The following HESX1 variants were observed in gnomAD, a reference collection of about 807,000 sequenced individuals.
HESX1 encodes the protein HESX homeobox 1.
HESX1 carries 11 observed loss-of-function variants against 22.5 expected under a neutral mutation model. The ratio of observed to expected loss-of-function variants is 0.49; its 90% confidence interval spans 0.31 to 0.81. HESX1 has a LOEUF of 0.81. Among genes scored for constraint, HESX1 ranks in the 30% least tolerant of loss-of-function variants. The probability of loss-of-function intolerance (pLI) is 0.05; values close to 1 mark genes in which losing one functional copy is unlikely to be tolerated. For missense variants in HESX1, 201 were observed against 212.6 expected (o/e 0.95, Z 0.34); for synonymous variants, 74 against 76.5 (o/e 0.97, Z 0.17).
chr3:57,215,808 T>C (rs28536501), intron 1 of HESX1, among the ~76,000 whole-genome samples: 10,736 of 151,974 alleles, frequency 0.071, 1,267 homozygotes, highest in African/African-American at 0.24. Context: ...CACAGAAAAA[T>C]GTTAACACAA....
chr3:57,201,270 T>C (rs2107567495), upstream of HESX1, among the ~76,000 whole-genome samples: 1 of 152,316 alleles, frequency 6.6e-6, no homozygotes. Context: ...AACAGGCATA[T>C]GGATTTATAA....
chr3:57,218,439 C>A (rs1010063176), intron 1 of HESX1, among the ~76,000 whole-genome samples: 1 of 102,274 alleles, frequency 9.8e-6, no homozygotes, highest in South Asian at 3.5e-4. Context: ...TGATCTCATT[C>A]TTTTTTTTTT....
At chr3:57,215,766 C>G (rs1247808861) in intron 1 of HESX1, among the ~76,000 whole-genome samples, 1 of 151,302 alleles carries the variant, frequency 6.6e-6, no homozygotes, top group Admixed American at 6.6e-5. Context: ...GACTCCATCT[C>G]AAAAAACAAA....
upstream of HESX1, among the ~76,000 whole-genome samples, chr3:57,201,732 G>A (rs1559498051): frequency 6.6e-6 from 1 of 151,754 alleles, no homozygotes. Flanking sequence ...GAGTGCCTAA[G>A]AGGCACAAGG....
chr3:57,217,101 AC>A (rs2060586734), intron 1 of HESX1, among the ~76,000 whole-genome samples: 1 of 152,038 alleles, frequency 6.6e-6, no homozygotes, highest in African/African-American at 2.4e-5. Flanking sequence ...TGTTCCAGGG[AC>A]TTAGGATAAG....
intron 1 of HESX1, among the ~76,000 whole-genome samples, chr3:57,225,010 G>A (rs1001842347): frequency 6.6e-6 from 1 of 152,196 alleles, no homozygotes; most frequent in Non-Finnish European, 1.5e-5. Context: ...CGAGTCGCCA[G>A]TAACCCCTAA....
chr3:57,208,046 G>A (rs549146200), intron 1 of HESX1, among the ~76,000 whole-genome samples: 3 of 152,216 alleles, frequency 2.0e-5, no homozygotes, highest in African/African-American at 7.2e-5. Flanking sequence ...TATTCCCTCA[G>A]CCCATTTTTC....
At chr3:57,205,982 G>A (rs974237342) in intron 1 of HESX1, among the ~76,000 whole-genome samples, 1 of 152,176 alleles carries the variant, frequency 6.6e-6, no homozygotes, top group Non-Finnish European at 1.5e-5. Context: ...CTTGAGGTCA[G>A]GAGTTTGAGA....
At chr3:57,223,972 T>C (rs1343435275) in intron 1 of HESX1, among the ~76,000 whole-genome samples, 1 of 152,186 alleles carries the variant, frequency 6.6e-6, no homozygotes, top group Non-Finnish European at 1.5e-5. Flanking sequence ...TCTAAATGTT[T>C]GCTTGACTCT....
chr3:57,199,062 G>T, intron 1 of HESX1, 110 bp from the exon 2 acceptor site: 1 of 1,034,972 alleles, frequency 9.7e-7, no homozygotes, highest in Non-Finnish European at 1.5e-6. Context: ...GAATTCTGGG[G>T]TTCACAAGAG....
intron 1 of HESX1, among the ~76,000 whole-genome samples, chr3:57,218,259 A>G (rs72875865): frequency 0.071 from 10,681 of 151,116 alleles, 1,261 homozygotes; most frequent in African/African-American, 0.24. Context: ...CCTCTTTCTT[A>G]CCTCCACCCT....
intron 1 of HESX1, among the ~76,000 whole-genome samples, chr3:57,205,446 CAA>C (rs2060514698): frequency 1.3e-5 from 2 of 152,256 alleles, no homozygotes; most frequent in Middle Eastern, 3.4e-3. Flanking sequence ...CAAGAAAAGT[CAA>C]AGTCTTTACA....
chr3:57,227,473 C>G (rs987121540), upstream of HESX1, among the ~76,000 whole-genome samples: 11 of 152,248 alleles, frequency 7.2e-5, no homozygotes, highest in African/African-American at 2.7e-4. Flanking sequence ...GGCCCTAACT[C>G]GAGGCTCTGG....
chr3:57,211,527 CAAAAAAAA>C (rs61137408), intron 1 of HESX1, among the ~76,000 whole-genome samples: 3 of 31,984 alleles, frequency 9.4e-5, no homozygotes, highest in Middle Eastern at 0.028. Context: ...GAGACCTTGT[CAAAAAAAA>C]AAAAAAAAAA....
rs894995787 is a variant in HESX1, at chr3:57,198,682, GT to G, written c.357+70del. 8 of 1,375,220 alleles carry G rather than the reference GT, an allele frequency of 5.8e-6. No homozygotes were observed. In the African/African-American group the frequency reaches 7.2e-5, roughly 12 times the overall value. 85.2% of individuals were successfully genotyped at this position (1,375,220 alleles called of 1,614,324 possible). A position where few individuals can be genotyped will look rare whatever the true frequency, so the allele number is the denominator to read the frequency against. On this transcript the variant is annotated intron_variant, in intron 2 of 3. Transcript: ENST00000295934. ...CTTCTAAACTGAGATACCAAAGTGA[GT>G]GGGCTTTTGCTCAACTTGGTGTCAA...
chr3:57,210,797 T>A (rs1440309107), intron 1 of HESX1, among the ~76,000 whole-genome samples: 1 of 152,226 alleles, frequency 6.6e-6, no homozygotes, highest in Non-Finnish European at 1.5e-5. Flanking sequence ...TGTTTTTTAA[T>A]GTGTAAAGTA....
chr3:57,213,172 T>C (rs976762445), intron 1 of HESX1, among the ~76,000 whole-genome samples: 2 of 152,162 alleles, frequency 1.3e-5, no homozygotes, highest in Non-Finnish European at 2.9e-5. Context: ...TAATGAGGCA[T>C]ATAGGTTGTC....
At chr3:57,214,681 CT>C (rs1207534169) in intron 1 of HESX1, among the ~76,000 whole-genome samples, 1 of 152,118 alleles carries the variant, frequency 6.6e-6, no homozygotes, top group Non-Finnish European at 1.5e-5. Flanking sequence ...TTACTTATTG[CT>C]GTTATCAATG....
chr3:57,208,311 A>G (rs1338544158), intron 1 of HESX1, among the ~76,000 whole-genome samples: 1 of 151,884 alleles, frequency 6.6e-6, no homozygotes, highest in Admixed American at 6.6e-5. Flanking sequence ...TATGTATGCT[A>G]AAGAGTTTAA....
Sources: allele counts gnomAD v4.1 joint callset (sites outside exome capture counted in the v4.1 genomes callset), GRCh38; gene constraint gnomAD v4.1.1; transcripts MANE v1.5; gene names NCBI Gene and HGNC (gene_info 2026-07-23, HGNC 2026-07-21).